ZFP37: variants seen among roughly 807,000 people sequenced by gnomAD.
The protein encoded by ZFP37 is ZFP37 zinc finger protein.
Under a neutral mutation model 52.1 loss-of-function variants are expected in ZFP37, and 38 were observed. That is an observed-to-expected ratio of 0.73 (90% CI 0.56 to 0.96). The LOEUF (loss-of-function observed/expected upper bound fraction) is 0.96, where lower values mean the gene tolerates loss of function less well. ZFP37 is among the 40% of genes least tolerant of loss of function. The pLI, the probability that ZFP37 is intolerant of heterozygous loss-of-function variation, is 0.00. For synonymous variants in ZFP37, 253 were observed against 259.5 expected (o/e 0.98, Z 0.24); for missense variants, 695 against 741.4 (o/e 0.94, Z 0.73).
At position 113,041,625 on chromosome 9, in the gene ZFP37, T is replaced by A. The variant is rs1474380156; in HGVS notation, c.*1100A>T. The A allele has an allele frequency of 6.7e-6, 1 of 150,332 alleles. No homozygotes were observed. Among genetic ancestry groups the A allele is most frequent in the African/African-American group, 2.5e-5 (1 of 39,690 alleles). The allele number at this position is 150,332 out of a possible 1,614,324, so 9.3% of individuals were successfully genotyped here. ...GAAACAGTGCTGTTATAATTCACTA[T>A]GTTAATGAAAGAACTTGTGTGTGAT... On this transcript the variant is annotated 3_prime_UTR_variant, in exon 4 of 4. Coordinates refer to ENST00000374227, the MANE Select transcript of ZFP37 (RefSeq NM_003408.3).
At chr9:113,046,267 C>T (rs200903787) in intron 3 of ZFP37, among the ~76,000 whole-genome samples, 1 of 133,288 alleles carries the variant, frequency 7.5e-6, no homozygotes, top group Non-Finnish European at 1.6e-5. Flanking sequence ...TATATATATA[C>T]AGGCAGATAT....
In ZFP37 at chr9:113,041,367, T is replaced by G. The variant is rs535722902; in HGVS notation, c.*1358A>C. On this transcript the variant is annotated 3_prime_UTR_variant, in exon 4 of 4. Coordinates refer to ENST00000374227, the MANE Select transcript of ZFP37 (RefSeq NM_003408.3). ...TGCACAATGATTCTGAGGCCAACTCTGGGTTCACTCAGAAAGAGTACAGTG... is the reference window on the plus strand; with the variant it reads ...TGCACAATGATTCTGAGGCCAACTCGGGGTTCACTCAGAAAGAGTACAGTG... The G allele has an allele frequency of 6.6e-6, 1 of 152,346 alleles. No homozygotes were observed. The highest frequency in any genetic ancestry group is 1.9e-4 in the East Asian group (1 of 5,188). 9.4% of individuals were successfully genotyped at this position (152,346 alleles called of 1,614,324 possible). A position where few individuals can be genotyped will look rare whatever the true frequency, so the allele number is the denominator to read the frequency against.
In ZFP37 at chr9:113,043,087, G is replaced by A. The variant is rs758522759; in HGVS notation, c.1531C>T (p.His511Tyr). 1 of 1,613,582 alleles carries A rather than the reference G, an allele frequency of 6.2e-7. No individual in the cohort carries two copies. Among genetic ancestry groups the A allele is most frequent in the Non-Finnish European group, 8.5e-7 (1 of 1,179,942 alleles). Residue 511 changes from histidine (H) to tyrosine (Y), a missense_variant, in exon 4 of 4, where the codon CAT becomes TAT. His to Tyr is a moderately conservative substitution (Grantham distance 83). Transcript: ENST00000374227. ...CATTCAAAGGGACTTTCACCTGTATGAGTTCTCATATGGTAAGTAAGAGAT... is the reference window on the plus strand; with the variant it reads ...CATTCAAAGGGACTTTCACCTGTATAAGTTCTCATATGGTAAGTAAGAGAT... ...SSSLTYHMRT[H>Y]TGESPFECNQ... is the part of the protein sequence containing the mutation.
chr9:113,040,886 G>C lies in ZFP37; in HGVS notation c.*1839C>G, dbSNP rs1828834770. On this transcript the variant is annotated 3_prime_UTR_variant, in exon 4 of 4. Coordinates refer to ENST00000374227, the MANE Select transcript of ZFP37 (RefSeq NM_003408.3). Reference sequence around the variant, plus strand: ...TATGATGTTTTTGAAAACCATTTCTGTACTTATGTCTCTGCTTTTAGTGTA... The same window carrying C: ...TATGATGTTTTTGAAAACCATTTCTCTACTTATGTCTCTGCTTTTAGTGTA... The C allele has an allele frequency of 1.3e-5, 2 of 152,090 alleles. No individual in the cohort carries two copies. Among genetic ancestry groups the C allele is most frequent in the African/African-American group, 4.8e-5 (2 of 41,422 alleles). The allele number at this position is 152,090 out of a possible 1,614,324, so 9.4% of individuals were successfully genotyped here.
rs752144747 is a variant in ZFP37, at chr9:113,043,464, G to A, written c.1154C>T (p.Thr385Ile). The A allele has an allele frequency of 6.2e-7, 1 of 1,614,032 alleles. No homozygotes were observed. Among genetic ancestry groups the A allele is most frequent in the South Asian group, 1.1e-5 (1 of 91,080 alleles). The change falls in exon 4 of 4, where the codon ACC (threonine) becomes ATC (isoleucine). Residue 385 changes from threonine (T) to isoleucine (I), a missense_variant. Thr to Ile is a moderately conservative substitution (Grantham distance 89). Transcript: ENST00000374227. ...AATAAGGTTTGAGCTGTGTCTGAAG[G>A]TTTTCCCACATTCAGCACATTCATA... is the stretch of plus-strand genomic sequence containing the variant. ...KPYECAECGK[T>I]FRHSSNLIQH...
chr9:113,056,616 T>C lies in ZFP37; in HGVS notation c.73A>G (p.Thr25Ala), dbSNP rs779463343. 5 of 1,613,882 alleles carry C rather than the reference T, an allele frequency of 3.1e-6. No homozygotes were observed. Among genetic ancestry groups the C allele is most frequent in the Admixed American group, 1.7e-5 (1 of 60,012 alleles). ...TVDRRRSAET[T>A]KEAGRPLEMA... Reference sequence around the variant, plus strand: ...TCCAGTGGTCGCCCGGCCTCTTTGGTCGTTTCCGCACTTCTCCTCCGGTCC... The same window carrying C: ...TCCAGTGGTCGCCCGGCCTCTTTGGCCGTTTCCGCACTTCTCCTCCGGTCC... Residue 25 changes from threonine (T) to alanine (A), a missense_variant, in exon 1 of 4, where the codon ACC becomes GCC. Thr to Ala is a moderately conservative substitution (Grantham distance 58). Coordinates refer to ENST00000374227, the MANE Select transcript of ZFP37 (RefSeq NM_003408.3).
chr9:113,047,149 C>T (rs1187870763), intron 3 of ZFP37, among the ~76,000 whole-genome samples: 1 of 151,100 alleles, frequency 6.6e-6, no homozygotes, highest in Non-Finnish European at 1.5e-5. Context: ...AGAAGAGAGT[C>T]ACTGTAGCAA....
Position 113,042,662 on chromosome 9 carries a change from A to G in ZFP37, c.*63T>C. The stretch of plus-strand genomic sequence containing the variant: ...TAAAGGCTTTCTAACACTCTTTAAA[A>G]TCAGCATATTTCCAAGGTTCAACAA... On this transcript the variant is annotated 3_prime_UTR_variant, in exon 4 of 4. Coordinates refer to ENST00000374227, the MANE Select transcript of ZFP37 (RefSeq NM_003408.3). 1.4e-6 allele frequency: 2 copies of G among 1,397,928 alleles called. No individual in the cohort carries two copies. The highest frequency in any genetic ancestry group is 1.9e-6 in the Non-Finnish European group (2 of 1,042,056). The allele number at this position is 1,397,928 out of a possible 1,614,324, so 86.6% of individuals were successfully genotyped here. A position where few individuals can be genotyped will look rare whatever the true frequency, so the allele number is the denominator to read the frequency against.
chr9:113,052,956 C>T lies in ZFP37; in HGVS notation c.133-3084G>A, dbSNP rs1295735791. Among the ~76,000 whole-genome samples, 3 of 152,190 alleles carry T rather than the reference C, an allele frequency of 2.0e-5. No individual in the cohort carries two copies. The highest frequency in any genetic ancestry group is 7.2e-5 in the African/African-American group (3 of 41,442). On this transcript the variant is annotated intron_variant, in intron 1 of 3. Transcript: ENST00000374227. This position sits in a 1 kb window ranked among gnomAD's most constrained non-coding sequence, Gnocchi z 4.1. ...CCACCCAATTCACTGAAAACTTTAG[C>T]ACCAGCTAAATTCCTGCCATAATGC... is the stretch of plus-strand genomic sequence containing the variant.
At chr9:113,048,216 T>G (rs1368819458) in intron 3 of ZFP37, among the ~76,000 whole-genome samples, 2 of 152,210 alleles carry the variant, frequency 1.3e-5, no homozygotes, top group African/African-American at 2.4e-5. Context: ...TCTGTGGGAT[T>G]TGACTGCAGG....
chr9:113,045,892 T>G (rs778898567), intron 3 of ZFP37, among the ~76,000 whole-genome samples: 1 of 152,138 alleles, frequency 6.6e-6, no homozygotes, highest in Middle Eastern at 3.4e-3. Context: ...AGAGTGAGAA[T>G]TAAACAGTCT....
chr9:113,044,532 C>T (rs1213134547), intron 3 of ZFP37, among the ~76,000 whole-genome samples: 1 of 152,036 alleles, frequency 6.6e-6, no homozygotes, highest in African/African-American at 2.4e-5. Flanking sequence ...ATGAAATAAA[C>T]ACAGGGAGAA....
chr9:113,049,844 C>T lies in ZFP37; in HGVS notation c.161G>A (p.Ser54Asn). ...CAGCATCACATCATTATACAGGTTG[C>T]TCTGAGCAGGATCCAGTTGCTTCCA... ...AEWKQLDPAQ[S>N]NLYNDVMLEN... The change falls in exon 2 of 4, where the codon AGC (serine) becomes AAC (asparagine). Residue 54 changes from serine (S) to asparagine (N), a missense_variant. Transcript: ENST00000374227. The T allele has an allele frequency of 6.2e-7, 1 of 1,614,082 alleles. No individual in the cohort carries two copies. Among genetic ancestry groups the T allele is most frequent in the Non-Finnish European group, 8.5e-7 (1 of 1,179,938 alleles).
At chr9:113,051,663 C>T (rs1010223993) in intron 1 of ZFP37, among the ~76,000 whole-genome samples, 13 of 152,130 alleles carry the variant, frequency 8.5e-5, no homozygotes, top group African/African-American at 3.1e-4. Flanking sequence ...CTATGTTGCC[C>T]AGGCTGGGCT....
intron 1 of ZFP37, among the ~76,000 whole-genome samples, chr9:113,053,899 C>T (rs1342193295): frequency 1.3e-5 from 2 of 152,184 alleles, no homozygotes; most frequent in African/African-American, 4.8e-5. Context: ...CTGTGTCTCC[C>T]TTTTATTTGG....
In ZFP37 at chr9:113,048,993, G is replaced by A. The variant is rs555326387; in HGVS notation, c.349+369C>T. On this transcript the variant is annotated intron_variant, in intron 3 of 3. Coordinates refer to ENST00000374227, the MANE Select transcript of ZFP37 (RefSeq NM_003408.3). ...CCCAAATAAAGATAATATGGAATAG[G>A]GCTGTGGCTTGAGCAAGCAATCAAT... 3.3e-5 allele frequency among the ~76,000 whole-genome samples: 5 copies of A among 152,240 alleles called. No individual in the cohort carries two copies. The East Asian group carries it at 9.7e-4, about 29-fold the overall frequency.
chr9:113,053,326 T>G (rs935912291), intron 1 of ZFP37, among the ~76,000 whole-genome samples: 1 of 151,844 alleles, frequency 6.6e-6, no homozygotes, highest in East Asian at 1.9e-4. Context: ...AATTAAAAAC[T>G]ATAAAGTTTT....
At chr9:113,047,707 A>C (rs1318449175) in intron 3 of ZFP37, among the ~76,000 whole-genome samples, 1 of 152,234 alleles carries the variant, frequency 6.6e-6, no homozygotes. Flanking sequence ...AATTGAGAAA[A>C]AGAACCAGAA....
intron 3 of ZFP37, among the ~76,000 whole-genome samples, chr9:113,047,041 G>C (rs954293382): frequency 6.6e-6 from 1 of 151,560 alleles, no homozygotes; most frequent in Non-Finnish European, 1.5e-5. Flanking sequence ...CTCGGGAGGA[G>C]GAGCTTGCAG....
Sources: gnomAD v4.1 joint callset for allele counts (sites outside exome capture counted in the v4.1 genomes callset) on GRCh38, gnomAD v4.1.1 for gene constraint, Gnocchi (gnomAD v3.1) non-coding constraint, MANE v1.5 for transcripts, NCBI Gene and HGNC (gene_info 2026-07-23, HGNC 2026-07-21) for gene names.